ERMARD: variants seen among roughly 807,000 people sequenced by gnomAD.
ERMARD encodes ER membrane associated RNA degradation.
ERMARD carries 71 observed loss-of-function variants against 83.9 expected under a neutral mutation model. That is an observed-to-expected ratio of 0.85 (90% CI 0.70 to 1.03). The LOEUF is 1.03. ERMARD is among the 50% of genes least tolerant of loss of function. ERMARD has a pLI of 0.00. For synonymous variants in ERMARD, 284 were observed against 298.6 expected (o/e 0.95, Z 0.50); for missense variants, 838 against 810.9 (o/e 1.03, Z -0.41).
chr6:169,778,919 A>T (rs562267197), intron 16 of ERMARD, among the ~76,000 whole-genome samples: 40 of 152,336 alleles, frequency 2.6e-4, no homozygotes, highest in South Asian at 8.3e-4. Context: ...GGCAGCCCTG[A>T]TGTAGACCGG....
intron 9 of ERMARD, among the ~76,000 whole-genome samples, chr6:169,765,833 G>A (rs546155091): frequency 1.3e-5 from 2 of 152,252 alleles, no homozygotes; most frequent in Admixed American, 6.5e-5. Context: ...GTGATGGAGC[G>A]TGCCACCGTG....
At chr6:169,760,048 G>A in intron 7 of ERMARD, 74 bp downstream of exon 7, 1 of 1,593,320 alleles carries the variant, frequency 6.3e-7, no homozygotes, top group Non-Finnish European at 8.5e-7. Flanking sequence ...AGCATTAAGA[G>A]GTGCACTCTT....
intron 10 of ERMARD, chr6:169,767,721 CACACACAGGCAT>C (rs1792388509): frequency 4.2e-6 from 1 of 235,784 alleles, no homozygotes. Flanking sequence ...GCCACATATA[CACACACAGGCAT>C]ACACACATGC....
At chr6:169,762,376 A>G (rs756896831) in intron 8 of ERMARD, 53 bp from the exon 9 acceptor site, 162 of 1,525,558 alleles carry the variant, frequency 1.1e-4, no homozygotes, top group Non-Finnish European at 1.4e-4. Context: ...CACCTGGCCT[A>G]ATATTTATTT....
chr6:169,766,629 T>TA lies in ERMARD; in HGVS notation c.961-9_961-8insA. On this transcript the variant is annotated splice_polypyrimidine_tract_variant and intron_variant, in intron 9 of 17. Transcript: ENST00000366773. ...AATTGTTTATTTTCATTTCTTTCCT[T>TA]TTCTGAAGTCAACAGCTCTTTATAC... 6.3e-7 allele frequency: 1 copy of TA among 1,576,018 alleles called. No individual in the cohort carries two copies. The highest frequency in any genetic ancestry group is 8.6e-7 in the Non-Finnish European group (1 of 1,169,030).
intron 2 of ERMARD, among the ~76,000 whole-genome samples, chr6:169,754,726 G>A (rs763090603): frequency 1.2e-4 from 18 of 152,156 alleles, no homozygotes; most frequent in Admixed American, 2.6e-4. Context: ...AAAAAGAATA[G>A]GAGGGGCATG....
rs986282757 is a variant in ERMARD, at chr6:169,756,244, A to T, written c.316-94A>T. ...CACTGAAAATAAAATATGGCAGTTGAAATCTCTCGAGGTTTGAATTTCAAT... is the reference window on the plus strand; with the variant it reads ...CACTGAAAATAAAATATGGCAGTTGTAATCTCTCGAGGTTTGAATTTCAAT... On this transcript the variant is annotated intron_variant, in intron 3 of 17. Transcript: ENST00000366773. 53 of 629,186 alleles carry T rather than the reference A, an allele frequency of 8.4e-5. No individual in the cohort carries two copies. In the East Asian group the frequency reaches 1.6e-3, roughly 19 times the overall value. 39.0% of individuals were successfully genotyped at this position (629,186 alleles called of 1,614,324 possible).
chr6:169,777,511 C>A (rs60666495), intron 16 of ERMARD, among the ~76,000 whole-genome samples: 1 of 152,146 alleles, frequency 6.6e-6, no homozygotes, highest in Non-Finnish European at 1.5e-5. Flanking sequence ...GATTTATTTT[C>A]CTTTCATGAT....
chr6:169,757,964 G>A (rs1318481029), intron 5 of ERMARD, among the ~76,000 whole-genome samples: 1 of 152,236 alleles, frequency 6.6e-6, no homozygotes, highest in Non-Finnish European at 1.5e-5. Flanking sequence ...TCAGCTGCCA[G>A]GTCACTGGCA....
chr6:169,764,181 A>G (rs1791905531), intron 9 of ERMARD, among the ~76,000 whole-genome samples: 2 of 149,960 alleles, frequency 1.3e-5, no homozygotes, highest in Admixed American at 6.6e-5. Context: ...TCCTCGGCCC[A>G]CCCGAGCTCA....
In ERMARD at chr6:169,776,438, T is replaced by G. The variant is rs1360328837; in HGVS notation, c.1521-17T>G. On this transcript the variant is annotated splice_polypyrimidine_tract_variant and intron_variant, in intron 15 of 17. Transcript: ENST00000366773. ...TGAGGATCATGATGCCTGCTCCAAG[T>G]CTGGCTCTGTTTGCAGGTGGCCCCA... The G allele has an allele frequency of 1.2e-6, 2 of 1,610,200 alleles. No individual in the cohort carries two copies. Among genetic ancestry groups the G allele is most frequent in the South Asian group, 2.2e-5 (2 of 90,034 alleles).
Position 169,761,930 on chromosome 6 carries a change from G to A in ERMARD, c.858-499G>A, listed in dbSNP as rs967502898. Among the ~76,000 whole-genome samples the A allele has an allele frequency of 2.6e-5, 4 of 152,238 alleles. No homozygotes were observed. The East Asian group carries it at 7.7e-4, about 29-fold the overall frequency. On this transcript the variant is annotated intron_variant, in intron 8 of 17. Coordinates refer to ENST00000366773, the MANE Select transcript of ERMARD (RefSeq NM_018341.3). ...AGTCTTAGCCTCATGTGATCTGCCC[G>A]CCTCAGCCTCCCAAAGTGCTGGGAT...
intron 9 of ERMARD, among the ~76,000 whole-genome samples, chr6:169,763,036 G>A (rs554335222): frequency 6.6e-6 from 1 of 152,254 alleles, no homozygotes; most frequent in East Asian, 1.9e-4. Context: ...ACACACACGC[G>A]TACACACAGC....
At position 169,764,056 on chromosome 6, in the gene ERMARD, C is replaced by T. The variant is rs553576378; in HGVS notation, c.960+1525C>T. Among the ~76,000 whole-genome samples, 14 of 152,360 alleles carry T rather than the reference C, an allele frequency of 9.2e-5. No homozygotes were observed. The South Asian group carries it at 1.7e-3, about 18-fold the overall frequency. ...CCTCACCAGCTGCAGACTCCAGCAG[C>T]GTCTCGTGTTTCCCCAACACCTCCC... On this transcript the variant is annotated intron_variant, in intron 9 of 17. Coordinates refer to ENST00000366773, the MANE Select transcript of ERMARD (RefSeq NM_018341.3).
At chr6:169,772,262 GT>G (rs1793018326) in intron 12 of ERMARD, among the ~76,000 whole-genome samples, 1 of 152,214 alleles carries the variant, frequency 6.6e-6, no homozygotes, top group Non-Finnish European at 1.5e-5. Context: ...CAGAAGCCAG[GT>G]GCTCTTCAGT....
intron 5 of ERMARD, among the ~76,000 whole-genome samples, chr6:169,757,061 G>A (rs1036583887): frequency 6.6e-6 from 1 of 152,138 alleles, no homozygotes; most frequent in Non-Finnish European, 1.5e-5. Flanking sequence ...TCACTATCAT[G>A]AGAATAGCAC....
chr6:169,762,955 T>G (rs1162432624), intron 9 of ERMARD, among the ~76,000 whole-genome samples: 1 of 152,168 alleles, frequency 6.6e-6, no homozygotes, highest in Non-Finnish European at 1.5e-5. Flanking sequence ...GGAGGTGACT[T>G]GGTGTGGTGC....
At chr6:169,779,701 C>G (rs1042877519) in intron 17 of ERMARD, among the ~76,000 whole-genome samples, 1 of 152,200 alleles carries the variant, frequency 6.6e-6, no homozygotes, top group African/African-American at 2.4e-5. Context: ...CTATGTTGCC[C>G]TTCAGTGATC....
intron 15 of ERMARD, 50 bp from the exon 16 acceptor site, chr6:169,776,405 G>T: frequency 1.3e-6 from 2 of 1,585,720 alleles, no homozygotes; most frequent in South Asian, 2.3e-5. Flanking sequence ...AGGAGAGTGA[G>T]GCCCAGGTGA....
Sources: allele counts gnomAD v4.1 joint callset (sites outside exome capture counted in the v4.1 genomes callset), GRCh38; gene constraint gnomAD v4.1.1; transcripts MANE v1.5; gene names NCBI Gene and HGNC (gene_info 2026-07-23, HGNC 2026-07-21).